The following ELP2 variants were observed in gnomAD, a reference collection of about 807,000 sequenced individuals.
The protein encoded by ELP2 is elongator acetyltransferase complex subunit 2.
A neutral mutation model predicts 119.2 loss-of-function variants in ELP2; 90 were observed. That is an observed-to-expected ratio of 0.75 (90% CI 0.64 to 0.90). The LOEUF (loss-of-function observed/expected upper bound fraction) is 0.90. Among genes scored for constraint, ELP2 ranks in the 40% least tolerant of loss-of-function variants. ELP2 has a pLI of 0.00. For missense variants in ELP2, 921 were observed against 967.8 expected (o/e 0.95, Z 0.64); for synonymous variants, 339 against 331.0 (o/e 1.02, Z -0.26).
In ELP2 at chr18:36,156,482, T is replaced by C; in HGVS notation, c.1292T>C (p.Ile431Thr). Residue 431 changes from isoleucine to threonine, a missense_variant, in exon 13 of 22, where the codon ATT (isoleucine) becomes ACT (threonine). Ile to Thr is a moderately conservative substitution (Grantham distance 89). Transcript: ENST00000358232. ...TTTACCCAGGTGACTTGGCATGAAA[T>C]TGCAAGGCCTCAGATACATGGGTAT... The part of the protein sequence containing the change: ...KDQSQVTWHE[I>T]ARPQIHGYDL... 6.2e-7 allele frequency: 1 copy of C among 1,614,156 alleles called. No homozygotes were observed. The highest frequency in any genetic ancestry group is 8.5e-7 in the Non-Finnish European group (1 of 1,180,000).
chr18:36,164,737 T>A (rs1325693232), intron 18 of ELP2, 70 bp downstream of exon 18: 1 of 1,457,712 alleles, frequency 6.9e-7, no homozygotes, highest in African/African-American at 1.4e-5. Flanking sequence ...ATTAAGCAGC[T>A]TTAGTTAAGA....
intron 19 of ELP2, among the ~76,000 whole-genome samples, chr18:36,168,147 A>G (rs1270257127): frequency 4.6e-5 from 7 of 152,190 alleles, no homozygotes; most frequent in African/African-American, 7.2e-5. Context: ...TTCTTTAGTC[A>G]CAGACAAGGT....
chr18:36,135,972 A>G (rs1646048004), intron 2 of ELP2, among the ~76,000 whole-genome samples: 1 of 152,262 alleles, frequency 6.6e-6, no homozygotes, highest in South Asian at 2.1e-4. Context: ...TGGACTGTAT[A>G]TTATATAATA....
rs1476420233 is a variant in ELP2 at position 36,177,406 on chromosome 18, G to A, written c.*2765G>A. ...TGCTAAGTGAAGTAAGCCAGTCACT[G>A]GAAGACAAATACTCTATGCTTCCAT... is the stretch of plus-strand genomic sequence containing the variant. On this transcript the variant is annotated 3_prime_UTR_variant, in exon 22 of 22. Transcript: ENST00000358232. The A allele has an allele frequency of 6.6e-6, 1 of 152,194 alleles. No individual in the cohort carries two copies. The highest frequency in any genetic ancestry group is 1.5e-5 in the Non-Finnish European group (1 of 68,048). 9.4% of individuals were successfully genotyped at this position (152,194 alleles called of 1,614,324 possible). A position where few individuals can be genotyped will look rare whatever the true frequency, so the allele number is the denominator to read the frequency against.
intron 11 of ELP2, among the ~76,000 whole-genome samples, chr18:36,152,934 G>A (rs1278515255): frequency 6.6e-6 from 1 of 152,172 alleles, no homozygotes; most frequent in African/African-American, 2.4e-5. Flanking sequence ...TAGTTACTTG[G>A]TTTTGCCCTT....
At position 36,146,296 on chromosome 18, in the gene ELP2, G is replaced by A; in HGVS notation, c.1040G>A (p.Cys347Tyr). The A allele has an allele frequency of 6.2e-7, 1 of 1,614,116 alleles. No individual in the cohort carries two copies. The highest frequency in any genetic ancestry group is 8.5e-7 in the Non-Finnish European group (1 of 1,179,958). Residue 347 changes from cysteine (C) to tyrosine (Y), a missense_variant, in exon 11 of 22, where the codon TGC (cysteine) becomes TAC (tyrosine). Transcript: ENST00000358232. ...VGGNTLGFYDCQFNEDGSMII... is the reference protein window; with the variant it reads ...VGGNTLGFYDYQFNEDGSMII... ...GGGAATACTTTGGGATTTTATGATT[G>A]CCAGTTCAATGAAGATGGCTCCATG... is the stretch of plus-strand genomic sequence containing the variant.
intron 2 of ELP2, among the ~76,000 whole-genome samples, chr18:36,133,897 GTTTTTTTTTTTTTT>G (rs57135329): frequency 2.5e-4 from 15 of 60,756 alleles, no homozygotes; most frequent in African/African-American, 3.6e-4. Flanking sequence ...TTTTTTAGGG[GTTTTTTTTTTTTTT>G]TTTTTTTTTT....
chr18:36,132,346 C>T (rs1206501364), intron 1 of ELP2, among the ~76,000 whole-genome samples: 2 of 152,170 alleles, frequency 1.3e-5, no homozygotes, highest in African/African-American at 4.8e-5. Flanking sequence ...CGCGCGTGGC[C>T]ACCAAGGAAT....
chr18:36,130,122 G>GC, intron 1 of ELP2, 51 bp downstream of exon 1: 1 of 1,612,016 alleles, frequency 6.2e-7, no homozygotes, highest in Non-Finnish European at 8.5e-7. Flanking sequence ...GGTTGAACCT[G>GC]TGGACGTGCT....
chr18:36,149,471 G>GTTTTTTTTTTTTTTTT (rs1457178336), intron 11 of ELP2, among the ~76,000 whole-genome samples: 1 of 66,910 alleles, frequency 1.5e-5, no homozygotes, highest in African/African-American at 4.4e-5. Context: ...TAGTTGCAGG[G>GTTTTTTTTTTTTTTTT]TTTTTTGTTT....
intron 17 of ELP2, 139 bp from the exon 18 acceptor site, chr18:36,164,336 T>C: frequency 1.4e-6 from 1 of 724,234 alleles, no homozygotes; most frequent in East Asian, 2.7e-5. Flanking sequence ...GGTTGTAGTA[T>C]GTTATCTCCT....
chr18:36,174,298 G>C (rs1458044829), intron 21 of ELP2, among the ~76,000 whole-genome samples, 187 bp from the exon 22 acceptor site: 2 of 152,024 alleles, frequency 1.3e-5, no homozygotes, highest in African/African-American at 4.8e-5. Context: ...CAGTGAGTAA[G>C]ATTAAAATTT....
chr18:36,145,341 C>A (rs1179489313), intron 9 of ELP2: 3 of 362,594 alleles, frequency 8.3e-6, no homozygotes, highest in African/African-American at 6.3e-5. Flanking sequence ...GACTTTCAAG[C>A]CAACTTCACT....
In ELP2 at chr18:36,174,483, A is replaced by G; in HGVS notation, c.2325-2A>G. The G allele has an allele frequency of 1.2e-6, 2 of 1,613,702 alleles. No homozygotes were observed. Among genetic ancestry groups the G allele is most frequent in the Non-Finnish European group, 1.7e-6 (2 of 1,179,704 alleles). On this transcript the variant is annotated splice_acceptor_variant, in intron 21 of 21. Transcript: ENST00000358232. LOFTEE classifies it high-confidence loss of function. ...TTCATGATTTCTCTATCTTTGTTTTAGCCAAAGTCATACACTGGCTATCAG... is the reference window on the plus strand; with the variant it reads ...TTCATGATTTCTCTATCTTTGTTTTGGCCAAAGTCATACACTGGCTATCAG...
At position 36,164,630 on chromosome 18, in the gene ELP2, A is replaced by C; in HGVS notation, c.1917A>C (p.Ser639=). Residue 639 remains serine (S), a synonymous_variant, in exon 18 of 22, where the codon TCA becomes TCC. Coordinates refer to ENST00000358232, the MANE Select transcript of ELP2 (RefSeq NM_018255.4). The part of the protein sequence containing the change: ...LLAVSRDRTW[S]LWKKQDTISP... ...CTGTTTCCAGAGATCGAACCTGGTC[A>C]TTGTGGAAAAAGCAGGATACAATCT... 1 of 1,614,118 alleles carries C rather than the reference A, an allele frequency of 6.2e-7. No individual in the cohort carries two copies.
In ELP2 at chr18:36,144,912, A is replaced by G. The variant is rs749617974; in HGVS notation, c.797-27A>G. On this transcript the variant is annotated intron_variant, in intron 8 of 21. Coordinates refer to ENST00000358232, the MANE Select transcript of ELP2 (RefSeq NM_018255.4). ...TTCTTTTTAGAAGAGCTTTGAGGAA[A>G]TAATACCTTCATTGCTTTTGTTATA... 3.1e-5 allele frequency: 48 copies of G among 1,560,616 alleles called. 1 individual carries two copies. In the Middle Eastern group the frequency reaches 1.3e-3, roughly 44 times the overall value.
intron 18 of ELP2, 77 bp from the exon 19 acceptor site, chr18:36,167,024 C>A: frequency 6.9e-7 from 1 of 1,442,118 alleles, no homozygotes; most frequent in Non-Finnish European, 9.4e-7. Flanking sequence ...GTGTATATGG[C>A]ACTTAAACAT....
At position 36,141,412 on chromosome 18, in the gene ELP2, G is replaced by A. The variant is rs1399320448; in HGVS notation, c.588+211G>A. Reference sequence around the variant, plus strand: ...TTGACCATCAGGCTCAGAGTTGTTAGGGGGAAACAGGTCATTAGGTGGGGG... The same window carrying A: ...TTGACCATCAGGCTCAGAGTTGTTAAGGGGAAACAGGTCATTAGGTGGGGG... On this transcript the variant is annotated intron_variant, in intron 6 of 21. Coordinates refer to ENST00000358232, the MANE Select transcript of ELP2 (RefSeq NM_018255.4). 1.4e-5 allele frequency: 8 copies of A among 570,910 alleles called. No homozygotes were observed. In the East Asian group the frequency reaches 2.2e-4, roughly 15 times the overall value. The allele number at this position is 570,910 out of a possible 1,614,324, so 35.4% of individuals were successfully genotyped here.
intron 18 of ELP2, chr18:36,164,967 G>T: frequency 8.3e-6 from 3 of 361,646 alleles, no homozygotes; most frequent in Non-Finnish European, 1.5e-5. Context: ...TTTGCAAATG[G>T]TGATAGAATG....
Sources: gnomAD v4.1 joint callset for allele counts (sites outside exome capture counted in the v4.1 genomes callset) on GRCh38, gnomAD v4.1.1 for gene constraint, MANE v1.5 for transcripts, NCBI Gene and HGNC (gene_info 2026-07-23, HGNC 2026-07-21) for gene names.